The following GAS6 variants were observed in gnomAD, a reference collection of about 807,000 sequenced individuals.
GAS6 encodes growth arrest specific 6.
GAS6 carries 41 observed loss-of-function variants against 75.8 expected under a neutral mutation model. The ratio of observed to expected loss-of-function variants is 0.54; its 90% CI spans 0.42 to 0.70. GAS6 has a LOEUF of 0.70. Among genes scored for constraint, GAS6 ranks in the 30% least tolerant of loss-of-function variants. GAS6 has a pLI of 0.00. For missense variants in GAS6, 854 were observed against 940.2 expected, an observed-to-expected ratio of 0.91 and a Z score of 1.20; for synonymous variants, 432 against 412.6, an observed-to-expected ratio of 1.05 and a Z score of -0.57.
chr13:113,846,658 C>G, intron 3 of GAS6, 69 bp from the exon 4 acceptor site: 2 of 1,297,280 alleles, frequency 1.5e-6, no homozygotes, highest in South Asian at 2.4e-5. Flanking sequence ...GCCTCTGCTT[C>G]TGAGACGCTC....
In GAS6 at chr13:113,845,041, AG is replaced by A. The variant is rs2051823193; in HGVS notation, c.343+1485del. Reference sequence around the variant, plus strand: ...ATCACTAAGATAAAACACGCGTGACAGGATCTGCTTGTCTCCTCTGAGCACG... The same window carrying A: ...ATCACTAAGATAAAACACGCGTGACAGATCTGCTTGTCTCCTCTGAGCACG... On this transcript the variant is annotated intron_variant, in intron 4 of 14. Coordinates refer to ENST00000327773, the MANE Select transcript of GAS6 (RefSeq NM_000820.4). The surrounding 1 kb of genome is among the most constrained non-coding windows in gnomAD (Gnocchi z 4.3). 6.6e-6 allele frequency: 1 copy of A among 150,674 alleles called. No homozygotes were observed. The highest frequency in any genetic ancestry group is 1.5e-5 in the Non-Finnish European group (1 of 67,996). 9.3% of individuals were successfully genotyped at this position (150,674 alleles called of 1,614,324 possible). A position where few individuals can be genotyped will look rare whatever the true frequency, so the allele number is the denominator to read the frequency against.
rs770982123 is a variant in GAS6, at chr13:113,835,515, C to T, written c.710G>A (p.Arg237Gln). 2 of 1,612,360 alleles carry T rather than the reference C, an allele frequency of 1.2e-6. No homozygotes were observed. Among genetic ancestry groups the T allele is most frequent in the East Asian group, 4.5e-5 (2 of 44,856 alleles). The change falls in exon 7 of 15, where the codon CGA (arginine) becomes CAA (glutamine). Residue 237 changes from arginine (R) to glutamine (Q), a missense_variant and splice_region_variant. Arg to Gln is a conservative substitution (Grantham distance 43, BLOSUM62 1). Transcript: ENST00000327773. ...FAYSSQEKAC[R>Q]DVDECLQGRC... The stretch of plus-strand genomic sequence containing the variant: ...GGGTGACCGCGTGGCGTGGGTACCT[C>T]GGCAAGCCTTCTCCTGGGAGCTGTA...
intron 2 of GAS6, among the ~76,000 whole-genome samples, chr13:113,855,325 C>T (rs1050511966): frequency 3.9e-5 from 6 of 152,188 alleles, no homozygotes; most frequent in African/African-American, 1.4e-4. Flanking sequence ...CCACAGAAAG[C>T]GAACTGGGAC....
chr13:113,827,243 C>T, intron 11 of GAS6, 79 bp from the exon 12 acceptor site: 2 of 1,436,160 alleles, frequency 1.4e-6, no homozygotes, highest in Non-Finnish European at 1.9e-6. Flanking sequence ...TGGGTGGCGC[C>T]TTCGCGGCCC....
chr13:113,831,386 G>A (rs542615549), intron 10 of GAS6, among the ~76,000 whole-genome samples: 11 of 152,334 alleles, frequency 7.2e-5, no homozygotes, highest in African/African-American at 2.6e-4. Flanking sequence ...GTGGGCGGGC[G>A]GCGCCTGGCC....
At chr13:113,841,288 G>C (rs892026565) in intron 4 of GAS6, 2 of 152,576 alleles carry the variant, frequency 1.3e-5, no homozygotes, top group African/African-American at 4.8e-5. Flanking sequence ...CACAGCCCCT[G>C]TCCTCCTAGG....
intron 8 of GAS6, chr13:113,833,539 AACGTCC>A (rs1174987169): frequency 2.3e-5 from 23 of 998,052 alleles, no homozygotes; most frequent in Non-Finnish European, 2.6e-5. Flanking sequence ...CCTGCCCAGA[AACGTCC>A]ACATGTGGGT....
chr13:113,825,221 C>T (rs142189344), intron 12 of GAS6, among the ~76,000 whole-genome samples: 15 of 103,760 alleles, frequency 1.4e-4, no homozygotes, highest in African/African-American at 6.4e-4. Flanking sequence ...GCAACAAAGG[C>T]GAAACTCCGT....
chr13:113,825,743 C>T lies in GAS6; in HGVS notation c.1477+1253G>A, dbSNP rs527665161. 4.6e-5 allele frequency among the ~76,000 whole-genome samples: 7 copies of T among 152,350 alleles called. 1 individual carries two copies. In the South Asian group the frequency reaches 1.2e-3, roughly 27 times the overall value. On this transcript the variant is annotated intron_variant, in intron 12 of 14. Transcript: ENST00000327773. ...TCAAGACTGAGGGAGAACGCGTGTG[C>T]ACAGTCAGTCCAGCCAGTGGCAGAT...
rs760658120 is a variant in GAS6, at chr13:113,824,172, G to T, written c.1478-622C>A. 8.2e-5 allele frequency among the ~76,000 whole-genome samples: 11 copies of T among 134,814 alleles called. 2 individuals carry two copies. Among genetic ancestry groups the T allele is most frequent in the African/African-American group, 1.5e-4 (5 of 33,642 alleles). 88.4% of individuals were successfully genotyped at this position (134,814 alleles called of 152,430 possible). A position where few individuals can be genotyped will look rare whatever the true frequency, so the allele number is the denominator to read the frequency against. ...CTGTCGGGAGCACGCGTGGTCTGGG[G>T]TCTGAGCTGTCAGGAGCACCCGCGG... On this transcript the variant is annotated intron_variant, in intron 12 of 14. Coordinates refer to ENST00000327773, the MANE Select transcript of GAS6 (RefSeq NM_000820.4).
In GAS6 at chr13:113,820,945, C is replaced by T; in HGVS notation, c.1956G>A (p.Leu652=). The T allele has an allele frequency of 3.1e-6, 5 of 1,612,708 alleles. No homozygotes were observed. Among genetic ancestry groups the T allele is most frequent in the Non-Finnish European group, 3.4e-6 (4 of 1,179,912 alleles). The change falls in exon 15 of 15, where the codon CTG becomes CTA. Residue 652 remains leucine, a synonymous_variant. Coordinates refer to ENST00000327773, the MANE Select transcript of GAS6 (RefSeq NM_000820.4). The part of the protein sequence containing the change: ...GCMTLEVNRR[L]LDLDEAAYKH... ...TGTACGCCGCCTCGTCCAGGTCCAG[C>T]AGCCTCCGGTTGACCTCCAGTGTCA...
chr13:113,822,678 G>A (rs551781404), intron 13 of GAS6: 118 of 150,436 alleles, frequency 7.8e-4, no homozygotes, highest in African/African-American at 2.7e-3. Flanking sequence ...CCCTGGTAAC[G>A]AGCATTTGCA....
intron 13 of GAS6, 96 bp from the exon 14 acceptor site, chr13:113,822,282 C>T: frequency 1.0e-6 from 1 of 953,646 alleles, no homozygotes; most frequent in South Asian, 1.9e-5. Context: ...CACCCCTACG[C>T]CGCACGCCTG....
chr13:113,854,705 T>G lies in GAS6; in HGVS notation c.256-6655A>C, dbSNP rs535643114. On this transcript the variant is annotated intron_variant, in intron 2 of 14. Transcript: ENST00000327773. Reference sequence around the variant, plus strand: ...CCACCGAGGGCTGCCTGCTTTGAAGTGCAGAGCAGTGACTGTCTCTGGCCA... The same window carrying G: ...CCACCGAGGGCTGCCTGCTTTGAAGGGCAGAGCAGTGACTGTCTCTGGCCA... Among the ~76,000 whole-genome samples, 8 of 152,328 alleles carry G rather than the reference T, an allele frequency of 5.3e-5. 1 individual carries two copies. Among genetic ancestry groups the G allele is most frequent in the African/African-American group, 1.4e-4 (6 of 41,586 alleles).
At chr13:113,858,826 T>C (rs2051940422) in intron 2 of GAS6, among the ~76,000 whole-genome samples, 1 of 150,148 alleles carries the variant, frequency 6.7e-6, no homozygotes, top group South Asian at 2.1e-4. Flanking sequence ...TGTGTGCATG[T>C]ATGTGTACAT....
rs1175691814 is a variant in GAS6 at position 113,834,032 on chromosome 13, GT to G, written c.834+518del. ...AGTGTGACAGGCCCCGGTGTGACAG[GT>G]AGGTCATGCTGTGATAGGCCCCGGT... On this transcript the variant is annotated intron_variant, in intron 8 of 14. Coordinates refer to ENST00000327773, the MANE Select transcript of GAS6 (RefSeq NM_000820.4). Among the ~76,000 whole-genome samples, 406 of 143,276 alleles carry G rather than the reference GT, an allele frequency of 2.8e-3. 9 individuals carry two copies. The highest frequency in any genetic ancestry group is 8.9e-3 in the African/African-American group (337 of 37,982). 94.0% of individuals were successfully genotyped at this position (143,276 alleles called of 152,430 possible).
chr13:113,821,401 T>G, intron 14 of GAS6: 1 of 244,230 alleles, frequency 4.1e-6, no homozygotes, highest in Non-Finnish European at 8.0e-6. Flanking sequence ...AAGAGAGAAA[T>G]CCTGCCGTTT....
chr13:113,823,610 C>T (rs1439738080), intron 12 of GAS6, 60 bp from the exon 13 acceptor site: 23 of 1,508,842 alleles, frequency 1.5e-5, no homozygotes, highest in East Asian at 7.1e-5. Flanking sequence ...ACAGTGAGGT[C>T]GGAGCAGGGC....
chr13:113,824,395 G>T (rs1182518084), intron 12 of GAS6, among the ~76,000 whole-genome samples: 1 of 143,252 alleles, frequency 7.0e-6, no homozygotes, highest in Non-Finnish European at 1.5e-5. Flanking sequence ...CGCGGTCTGG[G>T]GTCTGAGCTG....
Sources: gnomAD v4.1 joint callset for allele counts (sites outside exome capture counted in the v4.1 genomes callset) on GRCh38, gnomAD v4.1.1 for gene constraint, Gnocchi (gnomAD v3.1) non-coding constraint, MANE v1.5 for transcripts, NCBI Gene and HGNC (gene_info 2026-07-23, HGNC 2026-07-21) for gene names.